The following DSCAM variants were observed in gnomAD, a reference collection of about 807,000 sequenced individuals.
The protein encoded by DSCAM is cell adhesion molecule DSCAM.
Under a neutral mutation model 217.7 loss-of-function variants are expected in DSCAM, and 47 were observed. That is an observed-to-expected ratio of 0.22 (90% CI 0.17 to 0.28). The LOEUF (loss-of-function observed/expected upper bound fraction) is 0.28. Ranked by LOEUF, DSCAM falls within the 10% of genes least tolerant of loss-of-function variation. DSCAM has a pLI of 1.00. For missense variants in DSCAM, 2,080 were observed against 2,618.3 expected, an observed-to-expected ratio of 0.79 and a Z score of 4.49; for synonymous variants, 1,056 against 1,015.3, an observed-to-expected ratio of 1.04 and a Z score of -0.76.
intron 3 of DSCAM, among the ~76,000 whole-genome samples, chr21:40,486,564 G>C (rs1601681984): frequency 6.6e-6 from 1 of 151,992 alleles, no homozygotes; most frequent in East Asian, 1.9e-4. Flanking sequence ...GGAATGAGAA[G>C]GCCCTCAGGG....
intron 20 of DSCAM, among the ~76,000 whole-genome samples, chr21:40,119,869 C>T (rs1225037787): frequency 1.3e-5 from 2 of 151,962 alleles, no homozygotes; most frequent in Non-Finnish European, 2.9e-5. Flanking sequence ...CAGATGAGCA[C>T]GTTAGATGCT....
At chr21:40,381,408 T>G (rs2075023925) in intron 3 of DSCAM, among the ~76,000 whole-genome samples, 1 of 152,202 alleles carries the variant, frequency 6.6e-6, no homozygotes, top group East Asian at 1.9e-4. Context: ...TTCTGCATTT[T>G]GGGGCTGGAA....
intron 1 of DSCAM, among the ~76,000 whole-genome samples, chr21:40,815,858 C>T (rs1397648440): frequency 6.6e-6 from 1 of 152,190 alleles, no homozygotes; most frequent in East Asian, 1.9e-4. Flanking sequence ...GGAGAGAGGA[C>T]TACAGTGAGA....
At chr21:40,325,089 T>C (rs1405799046) in intron 8 of DSCAM, among the ~76,000 whole-genome samples, 2 of 152,210 alleles carry the variant, frequency 1.3e-5, no homozygotes, top group Non-Finnish European at 2.9e-5. Flanking sequence ...TTTCATGACG[T>C]TGGCTTAGAA....
chr21:40,631,778 A>G (rs930300752), intron 3 of DSCAM, among the ~76,000 whole-genome samples: 1 of 152,164 alleles, frequency 6.6e-6, no homozygotes, highest in African/African-American at 2.4e-5. Flanking sequence ...ACAGCAACAC[A>G]TCTGATCTCT....
intron 11 of DSCAM, among the ~76,000 whole-genome samples, chr21:40,199,921 T>G (rs935844126): frequency 3.3e-5 from 5 of 151,178 alleles, no homozygotes; most frequent in African/African-American, 1.2e-4. Context: ...GCACATGTAT[T>G]CTGGAACTTA....
chr21:40,229,066 A>G lies in DSCAM; in HGVS notation c.2357-39828T>C, dbSNP rs1396336100. On this transcript the variant is annotated intron_variant, in intron 11 of 32. Transcript: ENST00000400454. ...ACTCCCACTTCATGGTGAGAAACCC[A>G]ACTCCCATGATCTGCCACCCAGGGC... Among the ~76,000 whole-genome samples the G allele has an allele frequency of 2.6e-5, 4 of 152,304 alleles. No homozygotes were observed. In the East Asian group the frequency reaches 7.7e-4, roughly 29 times the overall value.
At chr21:40,060,216 C>T (rs1400098907) in intron 28 of DSCAM, among the ~76,000 whole-genome samples, 1 of 152,148 alleles carries the variant, frequency 6.6e-6, no homozygotes, top group Admixed American at 6.5e-5. Context: ...ATAGGAAGAC[C>T]ATAATTAATT....
At chr21:40,601,198 T>C (rs2077059215) in intron 3 of DSCAM, among the ~76,000 whole-genome samples, 1 of 152,206 alleles carries the variant, frequency 6.6e-6, no homozygotes, top group African/African-American at 2.4e-5. Context: ...TCTATTTCAT[T>C]AGAGTTTTGT....
At chr21:40,494,951 T>C (rs1381459449) in intron 3 of DSCAM, among the ~76,000 whole-genome samples, 1 of 150,654 alleles carries the variant, frequency 6.6e-6, no homozygotes, top group African/African-American at 2.4e-5. Context: ...TATAAAAAGC[T>C]AATATGAACA....
intron 3 of DSCAM, among the ~76,000 whole-genome samples, chr21:40,457,310 G>C (rs1003350436): frequency 2.0e-5 from 3 of 152,084 alleles, no homozygotes; most frequent in Non-Finnish European, 2.9e-5. Context: ...CTAGGAGTTC[G>C]AGACCAGCCT....
rs79520837 is a variant in DSCAM, at chr21:40,300,915, C to T, written c.2063-4741G>A. 5.6e-3 allele frequency among the ~76,000 whole-genome samples: 853 copies of T among 152,352 alleles called. 10 individuals are homozygous for T. Among genetic ancestry groups the T allele is most frequent in the African/African-American group, 0.02 (822 of 41,590 alleles). Reference sequence around the variant, plus strand: ...CCACACTTCAAGAACCACTGTTCTACGTGATTCCTTAGAAGGCTCCCAGTA... The same window carrying T: ...CCACACTTCAAGAACCACTGTTCTATGTGATTCCTTAGAAGGCTCCCAGTA... On this transcript the variant is annotated intron_variant, in intron 9 of 32. Transcript: ENST00000400454.
chr21:40,399,296 C>A (rs1430877173), intron 3 of DSCAM, among the ~76,000 whole-genome samples: 1 of 151,816 alleles, frequency 6.6e-6, no homozygotes, highest in African/African-American at 2.4e-5. Context: ...CAAAACAAAA[C>A]AAAACAAAAC....
chr21:40,531,773 C>T (rs894329565), intron 3 of DSCAM, among the ~76,000 whole-genome samples: 1 of 152,204 alleles, frequency 6.6e-6, no homozygotes, highest in Non-Finnish European at 1.5e-5. Context: ...GCCCCCATTC[C>T]TTTCCTTCTT....
intron 3 of DSCAM, among the ~76,000 whole-genome samples, chr21:40,452,070 T>C (rs2075724284): frequency 6.6e-6 from 1 of 152,002 alleles, no homozygotes. Flanking sequence ...AAAAATAATT[T>C]TTCCTACCCA....
chr21:40,539,856 C>T (rs138971036), intron 3 of DSCAM, among the ~76,000 whole-genome samples: 34 of 152,242 alleles, frequency 2.2e-4, no homozygotes, highest in Middle Eastern at 3.4e-3. Context: ...TGGTGTGTCT[C>T]GTTTTACCTA....
chr21:40,625,200 TCAAAA>T (rs1320370811), intron 3 of DSCAM, among the ~76,000 whole-genome samples: 1 of 151,924 alleles, frequency 6.6e-6, no homozygotes, highest in Non-Finnish European at 1.5e-5. Context: ...GATATTCAAC[TCAAAA>T]CAAAATTAAT....
chr21:40,300,896 T>C (rs140912696), intron 9 of DSCAM, among the ~76,000 whole-genome samples: 1 of 152,342 alleles, frequency 6.6e-6, no homozygotes, highest in Non-Finnish European at 1.5e-5. Context: ...GAGACCACAC[T>C]TCAAGAACCA....
intron 20 of DSCAM, among the ~76,000 whole-genome samples, chr21:40,106,776 C>T (rs1272238577): frequency 6.6e-6 from 1 of 152,146 alleles, no homozygotes; most frequent in African/African-American, 2.4e-5. Context: ...TCATAATATT[C>T]TCTGATGGTT....
Sources: gnomAD v4.1 joint callset for allele counts (sites outside exome capture counted in the v4.1 genomes callset) on GRCh38, gnomAD v4.1.1 for gene constraint, MANE v1.5 for transcripts, NCBI Gene and HGNC (gene_info 2026-07-23, HGNC 2026-07-21) for gene names.